Variants in ARMCX4 observed in about 807,000 individuals in gnomAD.
ARMCX4 encodes the protein armadillo repeat containing X-linked 4.
Under a neutral mutation model 34.7 loss-of-function variants are expected in ARMCX4, and 3 were observed. The ratio of observed to expected loss-of-function variants is 0.09; its 90% confidence interval spans 0.04 to 0.22. The LOEUF is 0.22. Among genes scored for constraint, ARMCX4 ranks in the 10% least tolerant of loss-of-function variants. ARMCX4 has a pLI of 1.00. For missense variants in ARMCX4, 1,448 were observed against 1,720.8 expected (o/e 0.84, Z 2.81); for synonymous variants, 513 against 632.8 (o/e 0.81, Z 2.84).
intron 11 of ARMCX4, chrX:101,524,437 C>A (rs377306342): frequency 8.9e-6 from 1 of 111,785 alleles, no homozygotes; most frequent in Non-Finnish European, 1.9e-5. Flanking sequence ...ACTGAGGTAC[C>A]TGGTTTAACT....
downstream of ARMCX4, chrX:101,499,331 G>C (rs1244613309): frequency 1.8e-5 from 2 of 111,722 alleles, no homozygotes; most frequent in East Asian, 5.6e-4. Flanking sequence ...AGTTGCCATA[G>C]AAGATGGCGG....
intron 11 of ARMCX4, among the ~76,000 whole-genome samples, chrX:101,512,853 T>C (rs781903648): frequency 2.2e-5 from 1 of 45,127 alleles, no homozygotes; most frequent in Non-Finnish European, 4.6e-5. Flanking sequence ...TATATATGTG[T>C]ATATATGTAT....
chrX:101,508,404 C>T (rs1183276897), intron 8 of ARMCX4, among the ~76,000 whole-genome samples: 2 of 111,465 alleles, frequency 1.8e-5, no homozygotes, highest in African/African-American at 3.3e-5. Context: ...CTTCCTGGCT[C>T]GTATATGGCC....
intron 4 of ARMCX4, among the ~76,000 whole-genome samples, chrX:101,474,336 G>C (rs1383126833): frequency 1.9e-5 from 2 of 106,726 alleles, no homozygotes; most frequent in Non-Finnish European, 3.9e-5. Flanking sequence ...CAACCAAAAA[G>C]AGTCCAGGAC....
chrX:101,489,774 CAT>C lies in ARMCX4; in HGVS notation c.1186_1187del (p.Met396GlufsTer15). The C allele has an allele frequency of 8.7e-7, 1 of 1,155,789 alleles. No homozygotes were observed. Among genetic ancestry groups the C allele is most frequent in the Non-Finnish European group, 1.1e-6 (1 of 872,870 alleles). ...VISKAITGAD[M>X]RAAAQPQAVA... is the part of the protein sequence containing the mutation. ...TATCTAAGGCAATAACTGGAGCTGA[CAT>C]GAGAGCTGCTGCTCAGCCTCAAGCT... On this transcript the variant is annotated frameshift_variant, in exon 6 of 6. Transcript: ENST00000423738. LOFTEE classifies it low-confidence loss of function (END_TRUNC).
At chrX:101,477,161 C>T (rs903614229) in intron 4 of ARMCX4, among the ~76,000 whole-genome samples, 4 of 109,659 alleles carry the variant, frequency 3.6e-5, no homozygotes, top group African/African-American at 1.3e-4. Context: ...TACTTCAGGC[C>T]GGGCATGGTG....
chrX:101,530,044 T>C (rs949382741), intron 11 of ARMCX4, among the ~76,000 whole-genome samples: 1 of 112,079 alleles, frequency 8.9e-6, no homozygotes, highest in Non-Finnish European at 1.9e-5. Context: ...CGTATTTTTA[T>C]TGCGGTACTA....
At chrX:101,515,390 T>TC in intron 11 of ARMCX4, among the ~76,000 whole-genome samples, 1 of 23,799 alleles carries the variant, frequency 4.2e-5, no homozygotes, top group African/African-American at 1.6e-4. Flanking sequence ...TTTTTCTTTC[T>TC]TTCCCTCCCT....
intron 2 of ARMCX4, among the ~76,000 whole-genome samples, chrX:101,426,563 TAGA>T (rs1451888843): frequency 1.6e-4 from 18 of 111,720 alleles, no homozygotes; most frequent in African/African-American, 5.2e-4. Flanking sequence ...CAGAGAAAAA[TAGA>T]AGGACTGCTG....
intron 2 of ARMCX4, among the ~76,000 whole-genome samples, chrX:101,433,052 A>G (rs782528226): frequency 1.8e-5 from 2 of 110,064 alleles, no homozygotes; most frequent in South Asian, 7.2e-4. Context: ...ACACATATGT[A>G]TACATACACG....
intron 2 of ARMCX4, among the ~76,000 whole-genome samples, chrX:101,434,262 T>TC (rs1398257080): frequency 6.5e-5 from 7 of 107,074 alleles, no homozygotes; most frequent in Admixed American, 1.0e-4. Flanking sequence ...TTCTTTTTTT[T>TC]TTTTTTTTTG....
chrX:101,432,971 T>TATAC (rs1491097504), intron 2 of ARMCX4, among the ~76,000 whole-genome samples: 1 of 39,086 alleles, frequency 2.6e-5, no homozygotes, highest in African/African-American at 6.5e-5. Flanking sequence ...TATGTGTATA[T>TATAC]GTGTATATAT....
chrX:101,516,573 A>G (rs1186606766), intron 11 of ARMCX4: 1 of 111,618 alleles, frequency 9.0e-6, no homozygotes, highest in Non-Finnish European at 1.9e-5. Flanking sequence ...GTATTATAAT[A>G]CGGTAATTTT....
rs1357334220 is a variant in ARMCX4, at chrX:101,429,976, C to G, written n.164+10976C>G. The stretch of plus-strand genomic sequence containing the variant: ...TTTGAGACAGCTAGTTGTTGCTATC[C>G]TGTTACAGAGGTGAAGGCAGGAGAG... On this transcript the variant is annotated intron_variant and non_coding_transcript_variant, in intron 2 of 3. Coordinates refer to the ARMCX4 transcript ENST00000430461. Among the ~76,000 whole-genome samples the G allele has an allele frequency of 4.5e-5, 5 of 111,153 alleles. 1 individual carries two copies. Among genetic ancestry groups the G allele is most frequent in the African/African-American group, 1.6e-4 (5 of 30,546 alleles).
At chrX:101,507,822 TGTATATGCA>T (rs1934488476) in intron 8 of ARMCX4, among the ~76,000 whole-genome samples, 1 of 112,128 alleles carries the variant, frequency 8.9e-6, no homozygotes, top group Non-Finnish European at 1.9e-5. Context: ...AAATCAAAGC[TGTATATGCA>T]TATAGTTTAA....
At chrX:101,456,223 C>T (rs1556000223) in intron 4 of ARMCX4, among the ~76,000 whole-genome samples, 1 of 112,012 alleles carries the variant, frequency 8.9e-6, no homozygotes, top group African/African-American at 3.2e-5. Flanking sequence ...AACTCTAGTT[C>T]TTTGAGAAAT....
intron 2 of ARMCX4, among the ~76,000 whole-genome samples, chrX:101,436,075 C>G (rs1226997354): frequency 9.0e-6 from 1 of 110,689 alleles, no homozygotes; most frequent in Non-Finnish European, 1.9e-5. Context: ...AGTCAGGTAG[C>G]GTGATGCCTC....
intron 11 of ARMCX4, among the ~76,000 whole-genome samples, chrX:101,527,640 A>G (rs1472274299): frequency 1.8e-5 from 2 of 111,810 alleles, no homozygotes; most frequent in Admixed American, 9.5e-5. Context: ...AAAAAATGAT[A>G]AAGGGGATAT....
intron 8 of ARMCX4, among the ~76,000 whole-genome samples, chrX:101,508,851 C>T (rs926476419): frequency 1.8e-5 from 2 of 111,540 alleles, no homozygotes; most frequent in Non-Finnish European, 3.8e-5. Flanking sequence ...TTTATACTCA[C>T]CCCTGCTTAT....
Sources: gnomAD v4.1 joint callset for allele counts (sites outside exome capture counted in the v4.1 genomes callset) on GRCh38, gnomAD v4.1.1 for gene constraint, MANE v1.5 for transcripts, NCBI Gene and HGNC (gene_info 2026-07-23, HGNC 2026-07-21) for gene names.